IL1RAP: variants seen among roughly 807,000 people sequenced by gnomAD.
The protein encoded by IL1RAP is interleukin 1 receptor accessory protein, also known as interleukin-1 receptor accessory protein.
In IL1RAP, 35 loss-of-function variants were observed where a neutral mutation model predicts 60.7. That is an observed-to-expected ratio of 0.58 (90% confidence interval 0.44 to 0.76). The LOEUF (loss-of-function observed/expected upper bound fraction) is 0.76. Ranked by LOEUF, IL1RAP falls within the 30% of genes least tolerant of loss-of-function variation. The pLI is 0.00. For synonymous variants in IL1RAP, 268 were observed against 250.9 expected (o/e 1.07, Z -0.64); for missense variants, 572 against 693.9 (o/e 0.82, Z 1.97).
intron 1 of IL1RAP, among the ~76,000 whole-genome samples, chr3:190,528,796 A>C (rs995990865): frequency 1.3e-5 from 2 of 152,192 alleles, no homozygotes; most frequent in African/African-American, 2.4e-5. Flanking sequence ...GGGCTTTATA[A>C]GGAAGTTGTA....
downstream of IL1RAP, chr3:190,656,362 T>C: frequency 6.5e-7 from 1 of 1,537,152 alleles, no homozygotes; most frequent in South Asian, 1.2e-5. Context: ...AGGGAAGTCC[T>C]CCGCCACCTG....
At chr3:190,522,221 C>T (rs908262616) in intron 1 of IL1RAP, among the ~76,000 whole-genome samples, 8 of 152,040 alleles carry the variant, frequency 5.3e-5, no homozygotes, top group Non-Finnish European at 7.4e-5. Flanking sequence ...CTAGATACTG[C>T]ATGCCTAGCC....
intron 9 of IL1RAP, chr3:190,630,131 GT>G: frequency 1.3e-6 from 1 of 779,188 alleles, no homozygotes; most frequent in Non-Finnish European, 1.6e-6. Context: ...ATTTAAGCAG[GT>G]TTATAATATA....
In IL1RAP at chr3:190,569,168, G is replaced by A. The variant is rs1224288141; in HGVS notation, c.64+4815G>A. 5.3e-5 allele frequency among the ~76,000 whole-genome samples: 8 copies of A among 152,354 alleles called. No homozygotes were observed. The South Asian group carries it at 1.4e-3, about 28-fold the overall frequency. ...TTATGCAGGACGGGAATTACTTCAG[G>A]TAAAGAGAATGTCCACATTTAATGT... On this transcript the variant is annotated intron_variant, in intron 3 of 11. Transcript: ENST00000447382.
chr3:190,631,791 A>G (rs1053896244), intron 9 of IL1RAP, among the ~76,000 whole-genome samples: 9 of 151,876 alleles, frequency 5.9e-5, no homozygotes, highest in Non-Finnish European at 2.9e-5. Flanking sequence ...TATTTTATGT[A>G]TTTATTTTTA....
chr3:190,570,234 C>A lies in IL1RAP; in HGVS notation c.64+5881C>A, dbSNP rs928893470. ...AGTCACCTTCAAGTTACCTGCTATCCAAACCTATAAAAGCTGATGTACAAA... is the reference window on the plus strand; with the variant it reads ...AGTCACCTTCAAGTTACCTGCTATCAAAACCTATAAAAGCTGATGTACAAA... On this transcript the variant is annotated intron_variant, in intron 3 of 11. Coordinates refer to ENST00000447382, the MANE Select transcript of IL1RAP (RefSeq NM_002182.4). Among the ~76,000 whole-genome samples, 7 of 152,136 alleles carry A rather than the reference C, an allele frequency of 4.6e-5. No homozygotes were observed. In the East Asian group the frequency reaches 1.3e-3, roughly 29 times the overall value.
At chr3:190,534,679 T>C (rs1035094211) in intron 1 of IL1RAP, among the ~76,000 whole-genome samples, 2 of 152,026 alleles carry the variant, frequency 1.3e-5, no homozygotes, top group Non-Finnish European at 2.9e-5. Flanking sequence ...GTATGTTATT[T>C]TTAGGGGGCA....
At chr3:190,577,854 C>T (rs918596038) in intron 3 of IL1RAP, among the ~76,000 whole-genome samples, 2 of 152,122 alleles carry the variant, frequency 1.3e-5, no homozygotes, top group African/African-American at 4.8e-5. Context: ...CTACACCCAA[C>T]CCTTAACAGT....
At chr3:190,535,406 G>A (rs1481242191) in intron 1 of IL1RAP, among the ~76,000 whole-genome samples, 2 of 152,192 alleles carry the variant, frequency 1.3e-5, no homozygotes, top group African/African-American at 4.8e-5. Flanking sequence ...TTGCATATGT[G>A]TGTGACTTAG....
intron 9 of IL1RAP, among the ~76,000 whole-genome samples, chr3:190,638,250 A>G (rs1430325555): frequency 6.6e-6 from 1 of 152,042 alleles, no homozygotes; most frequent in Non-Finnish European, 1.5e-5. Context: ...TCCACCATCA[A>G]CATATTTACA....
chr3:190,608,714 G>C (rs1730567263), intron 4 of IL1RAP, among the ~76,000 whole-genome samples: 1 of 152,124 alleles, frequency 6.6e-6, no homozygotes, highest in Non-Finnish European at 1.5e-5. Flanking sequence ...GTCATCGTGT[G>C]ACACATGACT....
At chr3:190,574,515 C>G (rs1413227926) in intron 3 of IL1RAP, among the ~76,000 whole-genome samples, 1 of 152,170 alleles carries the variant, frequency 6.6e-6, no homozygotes, top group Non-Finnish European at 1.5e-5. Context: ...CTCTAACTCC[C>G]TAGCTTTTGC....
At chr3:190,532,724 A>G (rs1461831188) in intron 1 of IL1RAP, among the ~76,000 whole-genome samples, 1 of 152,136 alleles carries the variant, frequency 6.6e-6, no homozygotes, top group Non-Finnish European at 1.5e-5. Flanking sequence ...CGTGCATCCC[A>G]TGGCCCCTAT....
chr3:190,529,414 G>A (rs1295407704), intron 1 of IL1RAP, among the ~76,000 whole-genome samples: 2 of 152,010 alleles, frequency 1.3e-5, no homozygotes, highest in African/African-American at 4.8e-5. Flanking sequence ...ATGGCCGGGC[G>A]TGGTGGCTCA....
chr3:190,653,963 C>T (rs1360424366), downstream of IL1RAP, among the ~76,000 whole-genome samples: 1 of 152,084 alleles, frequency 6.6e-6, no homozygotes, highest in East Asian at 1.9e-4. Flanking sequence ...TGTTTCTCAA[C>T]GTCTAAAATT....
At chr3:190,572,187 C>T (rs954501702) in intron 3 of IL1RAP, among the ~76,000 whole-genome samples, 4 of 152,098 alleles carry the variant, frequency 2.6e-5, no homozygotes, top group African/African-American at 9.7e-5. Context: ...TTCAGACTAT[C>T]CCAAAATTGC....
intron 3 of IL1RAP, among the ~76,000 whole-genome samples, chr3:190,598,751 C>T (rs1187314352): frequency 6.6e-6 from 1 of 152,012 alleles, no homozygotes; most frequent in East Asian, 1.9e-4. Flanking sequence ...TTTGTGTAGT[C>T]AACCCAAGGC....
At chr3:190,529,455 A>G (rs1010316711) in intron 1 of IL1RAP, among the ~76,000 whole-genome samples, 2 of 152,054 alleles carry the variant, frequency 1.3e-5, no homozygotes, top group African/African-American at 4.8e-5. Flanking sequence ...TGGGAGGCCG[A>G]GGCGGGCAGA....
At chr3:190,625,393 G>T (rs1732163318) in intron 7 of IL1RAP, among the ~76,000 whole-genome samples, 1 of 152,068 alleles carries the variant, frequency 6.6e-6, no homozygotes, top group Non-Finnish European at 1.5e-5. Context: ...AGTAAAAGTG[G>T]CTGTGGCATC....
Sources: allele counts gnomAD v4.1 joint callset (sites outside exome capture counted in the v4.1 genomes callset), GRCh38; gene constraint gnomAD v4.1.1; transcripts MANE v1.5; gene names NCBI Gene and HGNC (gene_info 2026-07-23, HGNC 2026-07-21).